The following ECPAS variants were observed in gnomAD, a reference collection of about 807,000 sequenced individuals.
ECPAS encodes Ecm29 proteasome adaptor and scaffold.
In ECPAS, 70 loss-of-function variants were observed where a neutral mutation model predicts 255.1. That is an observed-to-expected ratio of 0.27 (90% CI 0.23 to 0.33). The LOEUF (loss-of-function observed/expected upper bound fraction) is 0.33. ECPAS is among the 10% of genes least tolerant of loss of function. The pLI is 1.00. For missense variants in ECPAS, 1,817 were observed against 2,206.4 expected (o/e 0.82, Z 3.54); for synonymous variants, 784 against 775.0 (o/e 1.01, Z -0.19).
At chr9:111,476,603 T>C (rs1043857267) in intron 1 of ECPAS, among the ~76,000 whole-genome samples, 6 of 138,360 alleles carry the variant, frequency 4.3e-5, no homozygotes, top group African/African-American at 8.2e-5. Flanking sequence ...TTTTTTGAGA[T>C]GGAGTTTCAC....
At chr9:111,417,792 C>G in intron 17 of ECPAS, 91 bp downstream of exon 17, 1 of 1,189,686 alleles carries the variant, frequency 8.4e-7, no homozygotes, top group East Asian at 2.8e-5. Flanking sequence ...TATGAGTCAA[C>G]ATCTAGTGAT....
In ECPAS at chr9:111,484,174, C is replaced by A; in HGVS notation, c.-141G>T. ...TGCGCTCGGCGCCGCGAGGTGAGGG[C>A]TGTAGAGCGAGGCGTTCGGCGGGCC... On this transcript the variant is annotated 5_prime_UTR_variant, in exon 1 of 50. Transcript: ENST00000684092. 1.3e-6 allele frequency: 2 copies of A among 1,484,346 alleles called. No homozygotes were observed. Among genetic ancestry groups the A allele is most frequent in the South Asian group, 1.3e-5 (1 of 78,370 alleles). 91.9% of individuals were successfully genotyped at this position (1,484,346 alleles called of 1,614,324 possible).
intron 40 of ECPAS, 39 bp from the exon 41 acceptor site, chr9:111,373,275 T>C: frequency 1.2e-6 from 2 of 1,612,976 alleles, no homozygotes; most frequent in East Asian, 4.5e-5. Context: ...TTTATAACTG[T>C]CAAAGAGTTT....
chr9:111,419,941 AACAAT>A, intron 16 of ECPAS, 71 bp downstream of exon 16: 1 of 1,104,204 alleles, frequency 9.1e-7, no homozygotes, highest in Non-Finnish European at 1.4e-6. Context: ...CAACATTGTA[AACAAT>A]ACAACTTTTA....
chr9:111,426,965 T>TC (rs2098222612), intron 10 of ECPAS, among the ~76,000 whole-genome samples: 1 of 151,904 alleles, frequency 6.6e-6, no homozygotes, highest in Admixed American at 6.6e-5. Flanking sequence ...ACAGAAAGAC[T>TC]CCGTCTCCAA....
In ECPAS at chr9:111,362,474, T is replaced by C. The variant is rs12237423; in HGVS notation, c.5381-305A>G. Among the ~76,000 whole-genome samples the C allele has an allele frequency of 1.4e-3, 218 of 152,002 alleles. 6 individuals are homozygous for C. The East Asian group carries it at 0.038, about 26-fold the overall frequency. On this transcript the variant is annotated intron_variant, in intron 49 of 49. Transcript: ENST00000684092. ...CTGAAGCATAGTAGGAAGAAGGAAT[T>C]ATCAGGGCAAGGCACACTGCAGCAA...
intron 3 of ECPAS, among the ~76,000 whole-genome samples, chr9:111,445,275 G>A (rs777122919): frequency 3.3e-5 from 5 of 152,094 alleles, no homozygotes; most frequent in African/African-American, 9.6e-5. Context: ...GATTACAGGC[G>A]TGAGCCACCG....
intron 3 of ECPAS, among the ~76,000 whole-genome samples, chr9:111,445,839 C>G (rs549841540): frequency 6.6e-6 from 1 of 152,162 alleles, no homozygotes; most frequent in Admixed American, 6.5e-5. Flanking sequence ...CCCCACCCCC[C>G]ACAACAGGCC....
intron 38 of ECPAS, 149 bp downstream of exon 38, chr9:111,374,964 C>G (rs998443459): frequency 3.4e-5 from 21 of 615,014 alleles, no homozygotes; most frequent in African/African-American, 9.2e-5. Context: ...TACATGTTTT[C>G]AGTTATCAGT....
intron 2 of ECPAS, among the ~76,000 whole-genome samples, chr9:111,464,859 G>C (rs2098277503): frequency 6.6e-6 from 1 of 152,138 alleles, no homozygotes; most frequent in Admixed American, 6.6e-5. Flanking sequence ...CAGGGGGTTT[G>C]AATTGCATCT....
At chr9:111,450,188 T>C (rs1317158869) in intron 3 of ECPAS, among the ~76,000 whole-genome samples, 1 of 152,112 alleles carries the variant, frequency 6.6e-6, no homozygotes, top group Non-Finnish European at 1.5e-5. Flanking sequence ...AAATATTTGC[T>C]AAATAACAAA....
At chr9:111,383,438 T>G (rs1445532868) in intron 34 of ECPAS, 106 bp from the exon 35 acceptor site, 1 of 1,379,796 alleles carries the variant, frequency 7.2e-7, no homozygotes, top group Non-Finnish European at 9.8e-7. Context: ...GAAGAATAAG[T>G]GAATCTACTT....
At chr9:111,460,478 T>C (rs1192920101) in intron 2 of ECPAS, among the ~76,000 whole-genome samples, 1 of 152,202 alleles carries the variant, frequency 6.6e-6, no homozygotes, top group East Asian at 1.9e-4. Context: ...CTGCAAATTT[T>C]ATTCAGAGCA....
intron 49 of ECPAS, 93 bp downstream of exon 49, chr9:111,363,495 G>T: frequency 1.4e-6 from 1 of 715,782 alleles, no homozygotes. Context: ...CAGAGTATAT[G>T]CTTAAGAGTA....
At chr9:111,371,568 A>G in intron 43 of ECPAS, 53 bp downstream of exon 43, 1 of 1,481,650 alleles carries the variant, frequency 6.7e-7, no homozygotes, top group Non-Finnish European at 9.4e-7. Flanking sequence ...CTATTATGCA[A>G]AATGAAAGAT....
rs779426592 is a variant in ECPAS, at chr9:111,484,196, GGCCGGGCCCCGGGGA to G, written c.-178_-164del. ...GGGCTGTAGAGCGAGGCGTTCGGCGGGCCGGGCCCCGGGGAGCCGCGCGCCGCAGTCCGTGAGGGG... is the reference window on the plus strand; with the variant it reads ...GGGCTGTAGAGCGAGGCGTTCGGCGGGCCGCGCGCCGCAGTCCGTGAGGGG... On this transcript the variant is annotated 5_prime_UTR_variant, in exon 1 of 50. Transcript: ENST00000684092. 39 of 1,481,730 alleles carry G rather than the reference GGCCGGGCCCCGGGGA, an allele frequency of 2.6e-5. No individual in the cohort carries two copies. The highest frequency in any genetic ancestry group is 2.9e-5 in the Non-Finnish European group (33 of 1,118,736). The allele number at this position is 1,481,730 out of a possible 1,614,324, so 91.8% of individuals were successfully genotyped here.
chr9:111,483,891 T>C, intron 1 of ECPAS: 1 of 561,444 alleles, frequency 1.8e-6, no homozygotes. Flanking sequence ...CGGTTTTATA[T>C]TTAGAAAGAG....
At chr9:111,457,745 AC>A (rs1266108885) in intron 2 of ECPAS, among the ~76,000 whole-genome samples, 2 of 152,148 alleles carry the variant, frequency 1.3e-5, no homozygotes, top group Admixed American at 6.5e-5. Context: ...AGTGTAAAGG[AC>A]CCAATTGAGG....
chr9:111,447,101 CT>C lies in ECPAS; in HGVS notation c.154-2608del, dbSNP rs200871078. Among the ~76,000 whole-genome samples, 657 of 151,232 alleles carry C rather than the reference CT, an allele frequency of 4.3e-3. 9 individuals are homozygous for C. The highest frequency in any genetic ancestry group is 0.015 in the African/African-American group (634 of 41,308). ...AGAGAATCTTGCCCACAATTGCATG[CT>C]TTTTTTTAATAATAAATTTATTTTG... On this transcript the variant is annotated intron_variant, in intron 3 of 49. Transcript: ENST00000684092.
Sources: gnomAD v4.1 joint callset for allele counts (sites outside exome capture counted in the v4.1 genomes callset) on GRCh38, gnomAD v4.1.1 for gene constraint, MANE v1.5 for transcripts, NCBI Gene and HGNC (gene_info 2026-07-23, HGNC 2026-07-21) for gene names.